Variants in TBX18 observed in about 807,000 individuals in gnomAD.
TBX18 encodes the protein T-box transcription factor TBX18.
In TBX18, 21 loss-of-function variants were observed where a neutral mutation model predicts 55.0. The ratio of observed to expected loss-of-function variants is 0.38; its 90% CI spans 0.27 to 0.55. The LOEUF is 0.55. TBX18 is among the 20% of genes least tolerant of loss of function. TBX18 has a pLI of 0.73. For synonymous variants in TBX18, 342 were observed against 326.1 expected, an observed-to-expected ratio of 1.05 and a Z score of -0.53; for missense variants, 840 against 799.6, an observed-to-expected ratio of 1.05 and a Z score of -0.61.
At chr6:84,743,811 C>G (rs550381566) in intron 6 of TBX18, among the ~76,000 whole-genome samples, 1 of 152,188 alleles carries the variant, frequency 6.6e-6, no homozygotes, top group Admixed American at 6.5e-5. Context: ...AACATCAGCT[C>G]TCTTGGCAAT....
rs866673892 is a variant in TBX18, at chr6:84,732,873, T to C, written c.*3812A>G. 1.3e-5 allele frequency: 2 copies of C among 151,976 alleles called. No homozygotes were observed. Among genetic ancestry groups the C allele is most frequent in the African/African-American group, 2.4e-5 (1 of 41,368 alleles). 9.4% of individuals were successfully genotyped at this position (151,976 alleles called of 1,614,324 possible). ...ACAGAATATATTCCAAAAGATATAA[T>C]AGTTTTATAAAACTAGTTTCCCAAT... On this transcript the variant is annotated 3_prime_UTR_variant, in exon 8 of 8. Transcript: ENST00000369663.
intron 3 of TBX18, 137 bp from the exon 4 acceptor site, chr6:84,757,006 T>C: frequency 1.1e-6 from 1 of 908,584 alleles, no homozygotes; most frequent in Non-Finnish European, 1.6e-6. Context: ...AAAAATAAAA[T>C]TTCAAGCGCT....
chr6:84,747,055 A>G (rs1767215566), intron 5 of TBX18, among the ~76,000 whole-genome samples: 1 of 152,094 alleles, frequency 6.6e-6, no homozygotes, highest in African/African-American at 2.4e-5. Context: ...TAGGATCCAA[A>G]TCTTCTAAGA....
At chr6:84,744,448 T>G (rs1767128986) in intron 5 of TBX18, 123 bp from the exon 6 acceptor site, 5 of 698,252 alleles carry the variant, frequency 7.2e-6, no homozygotes, top group Admixed American at 3.1e-5. Context: ...AAGCCTCTTT[T>G]ATTCCCCAAG....
chr6:84,738,474 A>T (rs760227449), intron 7 of TBX18, 23 bp downstream of exon 7: 1 of 1,595,186 alleles, frequency 6.3e-7, no homozygotes, highest in Non-Finnish European at 8.6e-7. Flanking sequence ...TGTATATATG[A>T]CCCAGGAGAC....
At chr6:84,742,528 T>C (rs886929045) in intron 6 of TBX18, 4 of 152,168 alleles carry the variant, frequency 2.6e-5, no homozygotes, top group East Asian at 1.9e-4. Flanking sequence ...TCACTTCTTG[T>C]AGAGGTTTCT....
chr6:84,760,657 T>G (rs1767625016), intron 2 of TBX18, among the ~76,000 whole-genome samples: 1 of 152,176 alleles, frequency 6.6e-6, no homozygotes, highest in South Asian at 2.1e-4. Context: ...ATCTTATTTT[T>G]TAAACAAAAT....
intron 1 of TBX18, chr6:84,763,571 G>T (rs1366983497): frequency 1.6e-6 from 1 of 608,300 alleles, no homozygotes; most frequent in Non-Finnish European, 3.0e-6. Context: ...ACAAAAAAGA[G>T]CACCCATTGG....
At position 84,736,864 on chromosome 6, in the gene TBX18, A is replaced by C. The variant is rs866116636; in HGVS notation, c.1645T>G (p.Ser549Ala). The change falls in exon 8 of 8, where the codon TCT becomes GCT. Residue 549 changes from serine to alanine, a missense_variant. Coordinates refer to ENST00000369663, the MANE Select transcript of TBX18 (RefSeq NM_001080508.3). ...GACCCCAAGAAACTTCCTTGGGAAGAAACAATTTTCTCAGGACTGGCAGCC... is the reference window on the plus strand; with the variant it reads ...GACCCCAAGAAACTTCCTTGGGAAGCAACAATTTTCTCAGGACTGGCAGCC... ...KLAASPEKIVSSQGSFLGSSP... is the reference protein window; with the variant it reads ...KLAASPEKIVASQGSFLGSSP... 2 of 1,613,620 alleles carry C rather than the reference A, an allele frequency of 1.2e-6. No individual in the cohort carries two copies. The highest frequency in any genetic ancestry group is 1.7e-5 in the Admixed American group (1 of 59,922).
intron 6 of TBX18, 110 bp downstream of exon 6, chr6:84,744,151 T>C: frequency 1.0e-6 from 1 of 994,656 alleles, no homozygotes. Flanking sequence ...TCATCAGAAA[T>C]GATTTCAATA....
At chr6:84,738,414 A>C in intron 7 of TBX18, 83 bp downstream of exon 7, 1 of 1,039,156 alleles carries the variant, frequency 9.6e-7, no homozygotes, top group Non-Finnish European at 1.5e-6. Context: ...TGTAAGTATA[A>C]ATAATGACTT....
In TBX18 at chr6:84,734,721, T is replaced by C. The variant is rs758167476; in HGVS notation, c.*1964A>G. ...ATGCTCTTATTAATACATATGGGTATAGAGCATTACTTTCCATGTTTTTTC... is the reference window on the plus strand; with the variant it reads ...ATGCTCTTATTAATACATATGGGTACAGAGCATTACTTTCCATGTTTTTTC... On this transcript the variant is annotated 3_prime_UTR_variant, in exon 8 of 8. Coordinates refer to ENST00000369663, the MANE Select transcript of TBX18 (RefSeq NM_001080508.3). 7 of 152,606 alleles carry C rather than the reference T, an allele frequency of 4.6e-5. No individual in the cohort carries two copies. The highest frequency in any genetic ancestry group is 2.0e-4 in the Admixed American group (3 of 15,278). The allele number at this position is 152,606 out of a possible 1,614,324, so 9.5% of individuals were successfully genotyped here.
At chr6:84,746,468 T>C (rs924028436) in intron 5 of TBX18, among the ~76,000 whole-genome samples, 10 of 147,010 alleles carry the variant, frequency 6.8e-5, no homozygotes, top group Non-Finnish European at 1.3e-4. Flanking sequence ...TATATATTAT[T>C]GTACAGTATA....
At chr6:84,747,223 T>C (rs1767220761) in intron 5 of TBX18, among the ~76,000 whole-genome samples, 1 of 152,074 alleles carries the variant, frequency 6.6e-6, no homozygotes, top group Non-Finnish European at 1.5e-5. Context: ...CATCGGCTTA[T>C]ATTACATGGA....
In TBX18 at chr6:84,737,144, G is replaced by A. The variant is rs770303827; in HGVS notation, c.1365C>T (p.Pro455=). 1.9e-6 allele frequency: 3 copies of A among 1,614,180 alleles called. No homozygotes were observed. The highest frequency in any genetic ancestry group is 2.5e-6 in the Non-Finnish European group (3 of 1,180,020). ...AGETFAPPRT[P]SYVGVSSSTS... is the part of the protein sequence containing the mutation. ...TGCTGCTGCTCACGCCCACATAGGA[G>A]GGAGTCCTGGGCGGGGCAAAGGTCT... The change falls in exon 8 of 8, where the codon CCC becomes CCT. Residue 455 remains proline (P), a synonymous_variant. Coordinates refer to ENST00000369663, the MANE Select transcript of TBX18 (RefSeq NM_001080508.3).
intron 7 of TBX18, 135 bp from the exon 8 acceptor site, chr6:84,737,544 T>A (rs1301359073): frequency 6.1e-6 from 6 of 980,790 alleles, no homozygotes; most frequent in Non-Finnish European, 8.2e-6. Flanking sequence ...GGAGATGGTC[T>A]CAGCTTTCAA....
intron 3 of TBX18, among the ~76,000 whole-genome samples, chr6:84,758,806 A>T (rs1357695078): frequency 6.6e-6 from 1 of 152,244 alleles, no homozygotes; most frequent in Non-Finnish European, 1.5e-5. Context: ...TCTAAATACA[A>T]ATAGTACAAA....
intron 4 of TBX18, among the ~76,000 whole-genome samples, chr6:84,751,677 C>T (rs1326890620): frequency 6.6e-6 from 1 of 152,186 alleles, no homozygotes; most frequent in Admixed American, 6.5e-5. Context: ...GTTCTCAAGT[C>T]ACCATGCTGC....
At position 84,739,695 on chromosome 6, in the gene TBX18, T is replaced by C. The variant is rs111905994; in HGVS notation, c.1005-1104A>G. 4.0e-3 allele frequency among the ~76,000 whole-genome samples: 602 copies of C among 152,294 alleles called. 3 individuals carry two copies. Among genetic ancestry groups the C allele is most frequent in the African/African-American group, 0.011 (454 of 41,564 alleles). ...GTTTGACTCAAGGTGCTACCACCTC[T>C]GGAGTCCCTGCGCCCCAAGTCATAA... On this transcript the variant is annotated intron_variant, in intron 6 of 7. Coordinates refer to ENST00000369663, the MANE Select transcript of TBX18 (RefSeq NM_001080508.3).
Sources: allele counts gnomAD v4.1 joint callset (sites outside exome capture counted in the v4.1 genomes callset), GRCh38; gene constraint gnomAD v4.1.1; transcripts MANE v1.5; gene names NCBI Gene and HGNC (gene_info 2026-07-23, HGNC 2026-07-21).